Variants in ABCB1 observed in about 807,000 individuals in gnomAD.
ABCB1 encodes the protein ATP binding cassette subfamily B member 1.
In ABCB1, 69 loss-of-function variants were observed where a neutral mutation model predicts 142.0. The observed-to-expected ratio is 0.49, with a 90% confidence interval of 0.40 to 0.59. The LOEUF is 0.59. Among genes scored for constraint, ABCB1 ranks in the 20% least tolerant of loss-of-function variants. The pLI is 0.00. For synonymous variants in ABCB1, 532 were observed against 539.2 expected (o/e 0.99, Z 0.18); for missense variants, 1,326 against 1,554.7 (o/e 0.85, Z 2.47).
chr7:87,710,465 A>G (rs2130740187), intron 1 of ABCB1: 2 of 654,098 alleles, frequency 3.1e-6, no homozygotes, highest in South Asian at 3.8e-5. Context: ...TATCAAATGT[A>G]TATTTTGAAT....
In ABCB1 at chr7:87,515,390, T is replaced by C; in HGVS notation, c.3123A>G (p.Val1041=). The part of the protein sequence containing the change: ...LEGNVTFGEV[V]FNYPTRPDIP... ...TGTCCGGTCGGGTGGGATAGTTGAATACAACTTCACCAAATGTGACATTTC... is the reference window on the plus strand; with the variant it reads ...TGTCCGGTCGGGTGGGATAGTTGAACACAACTTCACCAAATGTGACATTTC... The change falls in exon 25 of 28, where the codon GTA becomes GTG. Residue 1041 remains valine, a synonymous_variant. Coordinates refer to ENST00000622132, the MANE Select transcript of ABCB1 (RefSeq NM_001348946.2). The C allele has an allele frequency of 1.2e-6, 2 of 1,614,140 alleles. No homozygotes were observed. Among genetic ancestry groups the C allele is most frequent in the African/African-American group, 1.3e-5 (1 of 75,048 alleles).
intron 4 of ABCB1, among the ~76,000 whole-genome samples, chr7:87,571,042 T>C (rs933261053): frequency 1.3e-5 from 2 of 152,238 alleles, no homozygotes; most frequent in Non-Finnish European, 2.9e-5. Flanking sequence ...TACACATATG[T>C]TATAAATGTA....
At chr7:87,587,422 G>T (rs1818803791) in intron 3 of ABCB1, among the ~76,000 whole-genome samples, 6 of 152,190 alleles carry the variant, frequency 3.9e-5, no homozygotes, top group Admixed American at 2.0e-4. Context: ...CCTGCCTTCA[G>T]AGAGGTTAAA....
intron 1 of ABCB1, among the ~76,000 whole-genome samples, chr7:87,607,390 A>G (rs1819693652): frequency 6.6e-6 from 1 of 152,214 alleles, no homozygotes; most frequent in Non-Finnish European, 1.5e-5. Flanking sequence ...TTTATTCTGT[A>G]TATAAAATAC....
intron 8 of ABCB1, among the ~76,000 whole-genome samples, chr7:87,556,792 C>T (rs895370768): frequency 3.3e-5 from 5 of 152,122 alleles, no homozygotes; most frequent in Non-Finnish European, 7.4e-5. Flanking sequence ...TCAACCACTC[C>T]CCTGTGCCCT....
Position 87,703,537 on chromosome 7 carries a change from A to T in ABCB1, c.-331+9624T>A, listed in dbSNP as rs545138095. Among the ~76,000 whole-genome samples the T allele has an allele frequency of 1.1e-4, 16 of 152,292 alleles. No homozygotes were observed. In the South Asian group the frequency reaches 3.3e-3, roughly 32 times the overall value. On this transcript the variant is annotated intron_variant, in intron 1 of 28. Coordinates refer to the ABCB1 transcript ENST00000265724. ...GCTCCCTCCTGCCAATCTTCAACCA[A>T]GGGGTTGTAGCAACAAGGAACTTCC...
intron 9 of ABCB1, among the ~76,000 whole-genome samples, chr7:87,551,499 A>T (rs28381895): frequency 0.016 from 2,381 of 152,210 alleles, 66 homozygotes; most frequent in African/African-American, 0.052. Flanking sequence ...AAATTTTTTT[A>T]AAAAAATTTT....
chr7:87,558,118 A>T (rs539750236), intron 8 of ABCB1, among the ~76,000 whole-genome samples: 10 of 152,322 alleles, frequency 6.6e-5, no homozygotes, highest in Non-Finnish European at 1.2e-4. Context: ...TCACACTACC[A>T]GTGTTGTCCA....
chr7:87,629,681 A>G (rs1294065165), intron 1 of ABCB1, among the ~76,000 whole-genome samples: 1 of 152,012 alleles, frequency 6.6e-6, no homozygotes, highest in Non-Finnish European at 1.5e-5. Flanking sequence ...TAATCCTAGC[A>G]CTTTGGGAGG....
intron 1 of ABCB1, among the ~76,000 whole-genome samples, chr7:87,703,969 G>A (rs1829368122): frequency 1.8e-5 from 2 of 112,766 alleles, no homozygotes; most frequent in Non-Finnish European, 3.4e-5. Context: ...CGCCCAGGCT[G>A]GAGTGCAAAG....
At chr7:87,626,013 T>A (rs1820420681) in intron 1 of ABCB1, among the ~76,000 whole-genome samples, 3 of 130,920 alleles carry the variant, frequency 2.3e-5, no homozygotes, top group Admixed American at 7.9e-5. Context: ...TATGTACATA[T>A]ATATATATAT....
intron 22 of ABCB1, 51 bp downstream of exon 22, chr7:87,520,725 G>T: frequency 6.7e-7 from 1 of 1,501,088 alleles, no homozygotes; most frequent in South Asian, 1.1e-5. Flanking sequence ...AAACAAATAT[G>T]ATGATTGAAA....
At chr7:87,539,810 C>T (rs1227174927) in intron 18 of ABCB1, among the ~76,000 whole-genome samples, 1 of 152,194 alleles carries the variant, frequency 6.6e-6, no homozygotes, top group Non-Finnish European at 1.5e-5. Context: ...AGCTAGGTTC[C>T]AGTCCCCCCA....
chr7:87,563,728 T>C (rs1817669006), intron 7 of ABCB1, among the ~76,000 whole-genome samples: 1 of 151,974 alleles, frequency 6.6e-6, no homozygotes, highest in South Asian at 2.1e-4. Context: ...GCATTCCCCT[T>C]GAAAACTGGC....
In ABCB1 at chr7:87,563,889, T is replaced by G. The variant is rs566777420; in HGVS notation, c.702+2181A>C. Among the ~76,000 whole-genome samples, 13 of 152,266 alleles carry G rather than the reference T, an allele frequency of 8.5e-5. No individual in the cohort carries two copies. The East Asian group carries it at 2.5e-3, about 29-fold the overall frequency. On this transcript the variant is annotated intron_variant, in intron 7 of 27. Coordinates refer to ENST00000622132, the MANE Select transcript of ABCB1 (RefSeq NM_001348946.2). ...GGACATGGATGGAGCTGGAGGCCAT[T>G]ATGCTTAGCAAACTAACTCAGGAAC... is the stretch of plus-strand genomic sequence containing the variant.
chr7:87,504,475 T>A, intron 27 of ABCB1, 26 bp from the exon 28 acceptor site: 1 of 1,613,588 alleles, frequency 6.2e-7, no homozygotes, highest in Non-Finnish European at 8.5e-7. Flanking sequence ...ATAGATTAAT[T>A]CTCATAATAG....
rs768115578 is a variant in ABCB1 at position 87,509,334 on chromosome 7, C to T, written c.3430G>A (p.Glu1144Lys). 10 of 1,614,082 alleles carry T rather than the reference C, an allele frequency of 6.2e-6. No homozygotes were observed. The highest frequency in any genetic ancestry group is 8.5e-6 in the Non-Finnish European group (10 of 1,180,044). The change falls in exon 26 of 28, where the codon GAG (glutamate) becomes AAG (lysine). Residue 1144 changes from glutamate to lysine, a missense_variant. Transcript: ENST00000622132. ...GDNSRVVSQE[E>K]IVRAAKEANI... ...GCCTCCTTTGCTGCCCTCACAATCT[C>T]TTCCTGTGACACCACCCGGCTGTTG...
At chr7:87,668,755 T>C (rs1028078608) in intron 1 of ABCB1, among the ~76,000 whole-genome samples, 1 of 152,090 alleles carries the variant, frequency 6.6e-6, no homozygotes, top group African/African-American at 2.4e-5. Flanking sequence ...CTCAAGAGCA[T>C]GATGTTTAAT....
At chr7:87,629,947 A>T (rs992158560) in intron 1 of ABCB1, among the ~76,000 whole-genome samples, 1 of 151,946 alleles carries the variant, frequency 6.6e-6, no homozygotes, top group South Asian at 2.1e-4. Context: ...AACTATTTAT[A>T]GTAAGCCTAG....
Sources: gnomAD v4.1 joint callset for allele counts (sites outside exome capture counted in the v4.1 genomes callset) on GRCh38, gnomAD v4.1.1 for gene constraint, MANE v1.5 for transcripts, NCBI Gene and HGNC (gene_info 2026-07-23, HGNC 2026-07-21) for gene names.